Variants in AFF2 observed in about 807,000 individuals in gnomAD.
AFF2 encodes the protein AF4/FMR2 family member 2.
In AFF2, 14 loss-of-function variants were observed where a neutral mutation model predicts 76.9. That is an observed-to-expected ratio of 0.18 (90% confidence interval 0.12 to 0.28). The LOEUF is 0.28. Ranked by LOEUF, AFF2 falls within the 10% of genes least tolerant of loss-of-function variation. The pLI, the probability that AFF2 is intolerant of heterozygous loss-of-function variation, is 1.00. For missense variants in AFF2, 868 were observed against 1,001.1 expected (o/e 0.87, Z 1.79); for synonymous variants, 398 against 366.7 (o/e 1.09, Z -0.98).
intron 9 of AFF2, among the ~76,000 whole-genome samples, chrX:148,909,308 G>A (rs1265933622): frequency 1.8e-5 from 2 of 112,176 alleles, no homozygotes; most frequent in Non-Finnish European, 3.8e-5. Context: ...CAAATTGTGT[G>A]TAGATGGATT....
rs185662700 is a variant in AFF2 at position 148,782,224 on chromosome X, G to A, written c.1042-27652G>A. On this transcript the variant is annotated intron_variant, in intron 3 of 20. Transcript: ENST00000370460. ...TGTTCACAGATTCCAGGGATTTGACGTGGACATATCTTTTGGGAACCATTT... is the reference window on the plus strand; with the variant it reads ...TGTTCACAGATTCCAGGGATTTGACATGGACATATCTTTTGGGAACCATTT... Among the ~76,000 whole-genome samples, 261 of 111,904 alleles carry A rather than the reference G, an allele frequency of 2.3e-3. 1 individual carries two copies. Among genetic ancestry groups the A allele is most frequent in the African/African-American group, 8.1e-3 (248 of 30,786 alleles).
chrX:148,514,025 A>C (rs2052510286), intron 1 of AFF2, among the ~76,000 whole-genome samples: 2 of 111,873 alleles, frequency 1.8e-5, no homozygotes, highest in African/African-American at 6.5e-5. Context: ...TAATTAATTA[A>C]TTAATTATTT....
intron 3 of AFF2, among the ~76,000 whole-genome samples, chrX:148,723,853 T>C (rs1377955240): frequency 9.0e-6 from 1 of 111,606 alleles, no homozygotes; most frequent in African/African-American, 3.2e-5. Flanking sequence ...CCTTCTGTCC[T>C]TTATTGTTCT....
At chrX:148,863,816 A>G (rs1436140184) in intron 7 of AFF2, among the ~76,000 whole-genome samples, 1 of 111,691 alleles carries the variant, frequency 9.0e-6, no homozygotes, top group Non-Finnish European at 1.9e-5. Flanking sequence ...TCCGGGTAGC[A>G]GTGTGTGAAG....
intron 3 of AFF2, among the ~76,000 whole-genome samples, chrX:148,663,234 A>C (rs924430295): frequency 8.9e-6 from 1 of 111,942 alleles, no homozygotes; most frequent in Non-Finnish European, 1.9e-5. Context: ...TGGAACCTGA[A>C]GTAGAAGGCG....
intron 8 of AFF2, among the ~76,000 whole-genome samples, chrX:148,897,216 G>A: frequency 2.1e-5 from 1 of 47,400 alleles, no homozygotes; most frequent in African/African-American, 8.2e-5. Flanking sequence ...TGAAGCCTTA[G>A]TCCACTATAT....
chrX:148,616,574 A>T (rs782742187), intron 1 of AFF2, among the ~76,000 whole-genome samples: 30 of 109,987 alleles, frequency 2.7e-4, no homozygotes, highest in South Asian at 2.7e-3. Flanking sequence ...TTTTTTTTTT[A>T]AATTTTATTA....
chrX:148,840,015 C>G (rs902750125), intron 5 of AFF2, among the ~76,000 whole-genome samples: 25 of 109,658 alleles, frequency 2.3e-4, no homozygotes, highest in Non-Finnish European at 4.2e-4. Context: ...AAAACAAATA[C>G]AGTTGAAAAT....
intron 3 of AFF2, among the ~76,000 whole-genome samples, chrX:148,762,350 T>A (rs1354644553): frequency 9.2e-6 from 1 of 108,404 alleles, no homozygotes; most frequent in African/African-American, 3.5e-5. Flanking sequence ...TCCAATTCCA[T>A]CCAGGTAGCT....
chrX:148,600,444 A>G (rs1473237820), intron 1 of AFF2, among the ~76,000 whole-genome samples: 1 of 111,705 alleles, frequency 9.0e-6, no homozygotes, highest in Non-Finnish European at 1.9e-5. Context: ...TTCTCTACAA[A>G]TGTCATTTAA....
chrX:148,521,091 C>T (rs1028437760), intron 1 of AFF2, among the ~76,000 whole-genome samples: 4 of 111,361 alleles, frequency 3.6e-5, no homozygotes, highest in African/African-American at 1.3e-4. Context: ...ATAGAAGCTA[C>T]CTTAAGTCTA....
intron 1 of AFF2, among the ~76,000 whole-genome samples, chrX:148,609,858 C>T (rs974317212): frequency 9.0e-6 from 1 of 111,691 alleles, no homozygotes; most frequent in Non-Finnish European, 1.9e-5. Flanking sequence ...CTTCCTGCTT[C>T]CTTGGCAAGG....
intron 1 of AFF2, among the ~76,000 whole-genome samples, chrX:148,548,767 G>A (rs189150697): frequency 1.8e-5 from 2 of 112,077 alleles, no homozygotes; most frequent in East Asian, 5.6e-4. Context: ...ATCTGTTTTC[G>A]TCTTCCAGTG....
intron 3 of AFF2, among the ~76,000 whole-genome samples, chrX:148,742,013 G>C (rs1219287670): frequency 8.9e-6 from 1 of 111,789 alleles, no homozygotes; most frequent in East Asian, 2.8e-4. Flanking sequence ...CCCGGGTCCT[G>C]CAGGAGCAGT....
intron 1 of AFF2, among the ~76,000 whole-genome samples, chrX:148,504,634 G>A (rs182537213): frequency 8.8e-6 from 1 of 113,191 alleles, no homozygotes; most frequent in Non-Finnish European, 1.9e-5. Context: ...GCCATGTGCC[G>A]GCCAGGCCTC....
At chrX:148,910,520 G>A (rs1449928808) in intron 9 of AFF2, among the ~76,000 whole-genome samples, 2 of 112,281 alleles carry the variant, frequency 1.8e-5, no homozygotes, top group Non-Finnish European at 3.8e-5. Context: ...AGTACAGGGA[G>A]GCTCTAAGAA....
At chrX:148,801,591 C>G (rs1467616618) in intron 3 of AFF2, among the ~76,000 whole-genome samples, 1 of 111,841 alleles carries the variant, frequency 8.9e-6, no homozygotes, top group Non-Finnish European at 1.9e-5. Flanking sequence ...GTCCATGTTC[C>G]TATTTCAGGC....
At chrX:148,747,294 G>T (rs1399857411) in intron 3 of AFF2, among the ~76,000 whole-genome samples, 1 of 111,324 alleles carries the variant, frequency 9.0e-6, no homozygotes, top group African/African-American at 3.3e-5. Flanking sequence ...GCTCACCATT[G>T]TATCTCAAAG....
rs189920153 is a variant in AFF2, at chrX:148,667,055, A to G, written c.1041+4287A>G. 6.2e-3 allele frequency among the ~76,000 whole-genome samples: 701 copies of G among 112,305 alleles called. 1 individual carries two copies. Among genetic ancestry groups the G allele is most frequent in the Non-Finnish European group, 0.01 (541 of 53,249 alleles). On this transcript the variant is annotated intron_variant, in intron 3 of 20. Coordinates refer to ENST00000370460, the MANE Select transcript of AFF2 (RefSeq NM_002025.4). Reference sequence around the variant, plus strand: ...AACGTGTAGAGTGTCATATCCCTAAAGGGTCATTTGCTTTACATGCTGCTC... The same window carrying G: ...AACGTGTAGAGTGTCATATCCCTAAGGGGTCATTTGCTTTACATGCTGCTC...
Sources: gnomAD v4.1 joint callset for allele counts (sites outside exome capture counted in the v4.1 genomes callset) on GRCh38, gnomAD v4.1.1 for gene constraint, MANE v1.5 for transcripts, NCBI Gene and HGNC (gene_info 2026-07-23, HGNC 2026-07-21) for gene names.